Variants in KIAA1671 observed in about 807,000 individuals in gnomAD.
KIAA1671 encodes the protein uncharacterized protein KIAA1671.
KIAA1671 carries 52 observed loss-of-function variants against 131.2 expected under a neutral mutation model. The observed-to-expected ratio is 0.40, with a 90% CI of 0.32 to 0.50. The LOEUF (loss-of-function observed/expected upper bound fraction) is 0.50, where lower values mean the gene tolerates loss of function less well. KIAA1671 is among the 20% of genes least tolerant of loss of function. KIAA1671 has a pLI of 0.73. For synonymous variants in KIAA1671, 1,003 were observed against 961.6 expected (o/e 1.04, Z -0.80); for missense variants, 2,360 against 2,364.2 (o/e 1.00, Z 0.04).
chr22:25,073,225 G>A (rs931727678), intron 6 of KIAA1671, among the ~76,000 whole-genome samples: 1 of 151,420 alleles, frequency 6.6e-6, no homozygotes, highest in African/African-American at 2.4e-5. Context: ...GTGCCATCAT[G>A]CCCAGCTAAT....
chr22:25,034,717 C>CTTTTTTAA (rs1316025532), intron 4 of KIAA1671, among the ~76,000 whole-genome samples: 1 of 151,766 alleles, frequency 6.6e-6, no homozygotes, highest in East Asian at 1.9e-4. Context: ...TTTTCTTTTT[C>CTTTTTTAA]TTTTTTAATT....
chr22:25,020,444 T>C (rs931439804), intron 1 of KIAA1671, among the ~76,000 whole-genome samples: 1 of 152,210 alleles, frequency 6.6e-6, no homozygotes, highest in Non-Finnish European at 1.5e-5. Context: ...CACGTCTACA[T>C]TGAATATTAT....
intron 5 of KIAA1671, among the ~76,000 whole-genome samples, chr22:25,046,232 G>A (rs1760469466): frequency 6.6e-6 from 1 of 152,114 alleles, no homozygotes; most frequent in South Asian, 2.1e-4. Flanking sequence ...AACCCAGGAA[G>A]CGGAGATTGT....
chr22:24,995,865 G>A (rs1171962946), intron 1 of KIAA1671, among the ~76,000 whole-genome samples: 1 of 152,246 alleles, frequency 6.6e-6, no homozygotes, highest in Non-Finnish European at 1.5e-5. Context: ...AGGTCACACA[G>A]CTAGTACAGA....
chr22:25,144,947 T>G (rs1932855227), intron 6 of KIAA1671, among the ~76,000 whole-genome samples: 1 of 152,214 alleles, frequency 6.6e-6, no homozygotes, highest in Non-Finnish European at 1.5e-5. Flanking sequence ...ATGTCTGCCA[T>G]CGGAGGTCTG....
intron 1 of KIAA1671, among the ~76,000 whole-genome samples, chr22:24,976,139 G>A (rs1439946155): frequency 6.6e-6 from 1 of 152,240 alleles, no homozygotes; most frequent in Non-Finnish European, 1.5e-5. Flanking sequence ...TGGCCCTGCT[G>A]CAGCTGGGAA....
At chr22:25,121,334 C>T (rs7510651) in intron 6 of KIAA1671, among the ~76,000 whole-genome samples, 10,584 of 151,946 alleles carry the variant, frequency 0.07, 402 homozygotes, top group East Asian at 0.084. Context: ...AGGTGGTGGG[C>T]GCCTGTAGTC....
At chr22:25,170,219 T>G (rs1267800220) in intron 6 of KIAA1671, among the ~76,000 whole-genome samples, 1 of 152,106 alleles carries the variant, frequency 6.6e-6, no homozygotes, top group East Asian at 1.9e-4. Flanking sequence ...GGCCGTAATT[T>G]CATGTTTTTA....
intron 6 of KIAA1671, among the ~76,000 whole-genome samples, chr22:25,162,553 T>C (rs1933482223): frequency 1.3e-5 from 2 of 152,236 alleles, no homozygotes; most frequent in African/African-American, 4.8e-5. Flanking sequence ...AAGAAACTCA[T>C]GGTTACTCAC....
At chr22:24,998,902 C>CA in intron 1 of KIAA1671, among the ~76,000 whole-genome samples, 1 of 151,088 alleles carries the variant, frequency 6.6e-6, no homozygotes, top group Non-Finnish European at 1.5e-5. Context: ...ATTTATGTAT[C>CA]AAATGTAGTG....
chr22:25,019,050 TTGTGTGTGTGTGTG>T (rs377368958), intron 1 of KIAA1671, among the ~76,000 whole-genome samples: 206 of 144,214 alleles, frequency 1.4e-3, no homozygotes, highest in African/African-American at 4.3e-3. Context: ...AATAGTTGTT[TTGTGTGTGTGTGTG>T]TGTGTGTGTG....
At chr22:25,174,007 A>G (rs1246023261) in intron 7 of KIAA1671, among the ~76,000 whole-genome samples, 2 of 151,604 alleles carry the variant, frequency 1.3e-5, no homozygotes, top group African/African-American at 4.9e-5. Flanking sequence ...CACAGGACTG[A>G]CTCCTCCCAT....
At chr22:25,129,684 G>T (rs1452132335) in intron 6 of KIAA1671, among the ~76,000 whole-genome samples, 4 of 147,308 alleles carry the variant, frequency 2.7e-5, no homozygotes, top group Non-Finnish European at 4.5e-5. Context: ...TTGAGACAGG[G>T]TCTTGCCCTG....
chr22:25,187,309 C>A (rs959199199), intron 11 of KIAA1671, among the ~76,000 whole-genome samples: 2 of 152,190 alleles, frequency 1.3e-5, no homozygotes, highest in Non-Finnish European at 2.9e-5. Context: ...CATCCACGAT[C>A]CTACTGTGCA....
At position 25,029,415 on chromosome 22, in the gene KIAA1671, G is replaced by C. The variant is rs974312586; in HGVS notation, c.1416G>C (p.Pro472=). The C allele has an allele frequency of 1.5e-5, 24 of 1,551,300 alleles. No homozygotes were observed. Among genetic ancestry groups the C allele is most frequent in the African/African-American group, 4.1e-5 (3 of 73,062 alleles). Residue 472 remains proline (P), a synonymous_variant, in exon 3 of 13, where the codon CCG becomes CCC. Coordinates refer to ENST00000358431, the MANE Select transcript of KIAA1671 (RefSeq NM_001145206.2). ...CGTCCCCATCGGCGGCACCAGAGCC[G>C]GAGAAAGGGGTTGTGAGCGTTCAGG... ...TPASPSAAPE[P]EKGVVSVQER...
In KIAA1671 at chr22:25,190,616, A is replaced by T. The variant is rs1934641557; in HGVS notation, c.5343-86A>T. The T allele has an allele frequency of 1.7e-6, 2 of 1,149,210 alleles. 1 individual carries two copies. The highest frequency in any genetic ancestry group is 2.6e-5 in the South Asian group (2 of 75,492). The allele number at this position is 1,149,210 out of a possible 1,614,324, so 71.2% of individuals were successfully genotyped here. A position where few individuals can be genotyped will look rare whatever the true frequency, so the allele number is the denominator to read the frequency against. On this transcript the variant is annotated intron_variant, in intron 11 of 12. Transcript: ENST00000358431. ...GCCCCAACCCCGCCTGGGCCCAGGG[A>T]TAGACAGTCGGATACCACTCAGTCC...
intron 1 of KIAA1671, among the ~76,000 whole-genome samples, chr22:24,979,211 C>T (rs1211328863): frequency 3.4e-5 from 4 of 116,872 alleles, no homozygotes; most frequent in Non-Finnish European, 5.2e-5. Context: ...GATGGGATTT[C>T]GCCATGTTTG....
chr22:25,118,285 C>A (rs1451663042), intron 6 of KIAA1671, among the ~76,000 whole-genome samples: 3 of 152,044 alleles, frequency 2.0e-5, no homozygotes, highest in Non-Finnish European at 4.4e-5. Context: ...CTGCCTCTAT[C>A]TTCATGTCAC....
At chr22:25,063,718 C>G (rs1928305470) in intron 6 of KIAA1671, 1 of 152,146 alleles carries the variant, frequency 6.6e-6, no homozygotes, top group Non-Finnish European at 1.5e-5. Context: ...AAATATAAAA[C>G]AATCTTGAAA....
Sources: gnomAD v4.1 joint callset for allele counts (sites outside exome capture counted in the v4.1 genomes callset) on GRCh38, gnomAD v4.1.1 for gene constraint, MANE v1.5 for transcripts, NCBI Gene and HGNC (gene_info 2026-07-23, HGNC 2026-07-21) for gene names.